FAM83E: variants seen among roughly 807,000 people sequenced by gnomAD.
FAM83E encodes the protein protein FAM83E.
Under a neutral mutation model 34.3 loss-of-function variants are expected in FAM83E, and 29 were observed. That is an observed-to-expected ratio of 0.85 (90% CI 0.63 to 1.15). The LOEUF (loss-of-function observed/expected upper bound fraction) is 1.15, where lower values mean the gene tolerates loss of function less well. Ranked by LOEUF, FAM83E falls within the 50% of genes most tolerant of loss-of-function variation. The pLI is 0.00. For missense variants in FAM83E, 697 were observed against 685.0 expected, an observed-to-expected ratio of 1.02 and a Z score of -0.20; for synonymous variants, 312 against 311.6, an observed-to-expected ratio of 1.00 and a Z score of -0.01.
At chr19:48,605,431 CG>C (rs1459123970) in intron 5 of FAM83E, among the ~76,000 whole-genome samples, 1 of 152,054 alleles carries the variant, frequency 6.6e-6, no homozygotes, top group Non-Finnish European at 1.5e-5. Context: ...CAAAATTAGC[CG>C]GGCATGGTGG....
Position 48,604,622 on chromosome 19 carries a change from C to G in FAM83E, c.759-711G>C, listed in dbSNP as rs550279389. Among the ~76,000 whole-genome samples, 7 of 150,138 alleles carry G rather than the reference C, an allele frequency of 4.7e-5. No individual in the cohort carries two copies. The South Asian group carries it at 1.5e-3, about 32-fold the overall frequency. ...GCTGGGATTACAGGTGTGAGCCACC[C>G]GTGCCCGGCTGAGCCTGGGAAATTG... is the stretch of plus-strand genomic sequence containing the variant. On this transcript the variant is annotated intron_variant, in intron 5 of 6. Transcript: ENST00000263266.
At chr19:48,610,292 G>A (rs958760973) in intron 4 of FAM83E, among the ~76,000 whole-genome samples, 37 of 151,422 alleles carry the variant, frequency 2.4e-4, no homozygotes, top group Admixed American at 2.0e-3. Flanking sequence ...CCAGCTACTG[G>A]GGAGTCTAAG....
In FAM83E at chr19:48,612,939, A is replaced by G. The variant is rs1231401141; in HGVS notation, c.434T>C (p.Leu145Pro). 45 of 1,579,482 alleles carry G rather than the reference A, an allele frequency of 2.8e-5. 1 individual carries two copies. The Admixed American group carries it at 5.6e-4, about 20-fold the overall frequency. The change falls in exon 3 of 7, where the codon CTG (leucine) becomes CCG (proline). Residue 145 changes from leucine to proline, a missense_variant. By Grantham distance (98) the Leu-to-Pro change is moderately conservative. Transcript: ENST00000263266. ...GGCAGCCTGGATCTCCAGCCGCACC[A>G]GCTCCTTGAGGGGCGGCTGACCCTC... ...PGEGQPPLKELVRLEIQAAHK... is the reference protein window; with the variant it reads ...PGEGQPPLKEPVRLEIQAAHK...
chr19:48,601,165 T>C lies in FAM83E; in HGVS notation c.1381A>G (p.Arg461Gly). Residue 461 changes from arginine (R) to glycine (G), a missense_variant, in exon 7 of 7, where the codon AGA (arginine) becomes GGA (glycine). Coordinates refer to ENST00000263266, the MANE Select transcript of FAM83E (RefSeq NM_017708.4). Reference protein sequence around the residue: ...GDATFKLQEPRGVRPSDWAPR... With the variant: ...GDATFKLQEPGGVRPSDWAPR... ...GCCCAGTCTGACGGCCTGACGCCTC[T>C]GGGCTCTTGAAGTTTGAATGTAGCA... The C allele has an allele frequency of 1.2e-6, 2 of 1,613,328 alleles. No homozygotes were observed. The highest frequency in any genetic ancestry group is 1.7e-6 in the Non-Finnish European group (2 of 1,179,816).
chr19:48,606,195 C>T (rs765279533), intron 5 of FAM83E, among the ~76,000 whole-genome samples: 12 of 152,126 alleles, frequency 7.9e-5, no homozygotes, highest in Non-Finnish European at 1.6e-4. Flanking sequence ...CCTGCAGTCC[C>T]AGCCACTCGG....
At chr19:48,611,247 C>A (rs1289873713) in intron 3 of FAM83E, among the ~76,000 whole-genome samples, 3 of 151,926 alleles carry the variant, frequency 2.0e-5, no homozygotes, top group East Asian at 3.9e-4. Context: ...CAGCTCACTG[C>A]AAACTCCACC....
chr19:48,605,296 T>C (rs1973907906), intron 5 of FAM83E, among the ~76,000 whole-genome samples: 1 of 151,572 alleles, frequency 6.6e-6, no homozygotes, highest in Non-Finnish European at 1.5e-5. Context: ...AGGAAGGCCG[T>C]GTGCAGTGGC....
chr19:48,600,089 C>T lies in FAM83E; in HGVS notation c.*1020G>A, dbSNP rs982172036. Among the ~76,000 whole-genome samples, 1 of 152,216 alleles carries T rather than the reference C, an allele frequency of 6.6e-6. No homozygotes were observed. The highest frequency in any genetic ancestry group is 1.5e-5 in the Non-Finnish European group (1 of 68,040). On this transcript the variant is annotated 3_prime_UTR_variant, in exon 7 of 7. Coordinates refer to ENST00000263266, the MANE Select transcript of FAM83E (RefSeq NM_017708.4). The stretch of plus-strand genomic sequence containing the variant: ...CTGTGGCTGTACCACATTCCACTCC[C>T]TCAGTATTCAGCTCCTTGCCTCAGT...
chr19:48,602,818 T>C (rs1973850664), intron 6 of FAM83E, among the ~76,000 whole-genome samples: 1 of 79,786 alleles, frequency 1.3e-5, no homozygotes, highest in African/African-American at 4.3e-5. Context: ...AATGTATTTA[T>C]TTATTGTTTA....
Position 48,599,980 on chromosome 19 carries a change from T to C in FAM83E, c.*1129A>G, listed in dbSNP as rs1483160293. Among the ~76,000 whole-genome samples, 1 of 152,128 alleles carries C rather than the reference T, an allele frequency of 6.6e-6. No individual in the cohort carries two copies. The highest frequency in any genetic ancestry group is 1.5e-5 in the Non-Finnish European group (1 of 68,016). On this transcript the variant is annotated 3_prime_UTR_variant, in exon 7 of 7. Transcript: ENST00000263266. The surrounding 1 kb of genome is among the most constrained non-coding windows in gnomAD (Gnocchi z 4.1). ...CGCACGTTTTTGGCATAAAGTGGTT[T>C]TATTCCGAGCAGAGGTAAACGGGAG... is the stretch of plus-strand genomic sequence containing the variant.
At chr19:48,612,787 C>T in intron 3 of FAM83E, 121 bp downstream of exon 3, 1 of 1,193,916 alleles carries the variant, frequency 8.4e-7, no homozygotes, top group Non-Finnish European at 1.1e-6. Flanking sequence ...TCCTGGGTCC[C>T]AGGGGTATAG....
rs750954679 is a variant in FAM83E, at chr19:48,603,649, C to A, written c.1021G>T (p.Val341Phe). 2.3e-6 allele frequency: 3 copies of A among 1,331,752 alleles called. No homozygotes were observed. The highest frequency in any genetic ancestry group is 2.9e-5 in the East Asian group (1 of 34,060). 82.5% of individuals were successfully genotyped at this position (1,331,752 alleles called of 1,614,324 possible). A position where few individuals can be genotyped will look rare whatever the true frequency, so the allele number is the denominator to read the frequency against. The change falls in exon 6 of 7, where the codon GTC (valine) becomes TTC (phenylalanine). Residue 341 changes from valine to phenylalanine, a missense_variant. Transcript: ENST00000263266. The part of the protein sequence containing the change: ...PLAHRLAACR[V>F]SPATPGPALS... ...GCCGGCCCCGGGGTAGCAGGGGAGA[C>A]GCGGCAGGCGGCCAGGCGGTGGGCC...
chr19:48,614,892 G>T, intron 1 of FAM83E, 45 bp downstream of exon 1: 1 of 703,468 alleles, frequency 1.4e-6, no homozygotes, highest in Non-Finnish European at 1.7e-6. Context: ...GCCCCCACAG[G>T]CCCCTGGAGG....
In FAM83E at chr19:48,613,423, G is replaced by T; in HGVS notation, c.-51C>A. ...ACTGTGAGAGGCTGGGTCCCCGGGGGTCTGGCTGTCTCTGGGGACTGTGAT... is the reference window on the plus strand; with the variant it reads ...ACTGTGAGAGGCTGGGTCCCCGGGGTTCTGGCTGTCTCTGGGGACTGTGAT... On this transcript the variant is annotated 5_prime_UTR_variant, in exon 3 of 7. Transcript: ENST00000263266. 4 of 1,465,464 alleles carry T rather than the reference G, an allele frequency of 2.7e-6. No homozygotes were observed. The South Asian group carries it at 4.1e-5, about 15-fold the overall frequency. 90.8% of individuals were successfully genotyped at this position (1,465,464 alleles called of 1,614,324 possible).
At chr19:48,605,044 CTT>C (rs991074819) in intron 5 of FAM83E, among the ~76,000 whole-genome samples, 1 of 128,228 alleles carries the variant, frequency 7.8e-6, no homozygotes, top group Admixed American at 7.5e-5. Context: ...AAAAAAAAAA[CTT>C]ATCTGGAATC....
At position 48,610,820 on chromosome 19, in the gene FAM83E, T is replaced by C; in HGVS notation, c.493A>G (p.Thr165Ala). 1 of 1,595,282 alleles carries C rather than the reference T, an allele frequency of 6.3e-7. No individual in the cohort carries two copies. Among genetic ancestry groups the C allele is most frequent in the Non-Finnish European group, 8.5e-7 (1 of 1,171,098 alleles). The change falls in exon 4 of 7, where the codon ACT (threonine) becomes GCT (alanine). Residue 165 changes from threonine (T) to alanine (A), a missense_variant. Thr to Ala is a moderately conservative substitution (Grantham distance 58). Coordinates refer to ENST00000263266, the MANE Select transcript of FAM83E (RefSeq NM_017708.4). ...AAGTCCAAAAGCAGGTCTGGGTCAG[T>C]GAAGACGTCCATGACCACGGCCACC... ...KLVAVVMDVF[T>A]DPDLLLDLVD...
rs762776441 is a variant in FAM83E, at chr19:48,610,826, C to T, written c.487G>A (p.Val163Ile). 33 of 1,595,010 alleles carry T rather than the reference C, an allele frequency of 2.1e-5. No homozygotes were observed. The Middle Eastern group carries it at 6.6e-4, about 32-fold the overall frequency. The change falls in exon 4 of 7, where the codon GTC (valine) becomes ATC (isoleucine). Residue 163 changes from valine to isoleucine, a missense_variant. Coordinates refer to ENST00000263266, the MANE Select transcript of FAM83E (RefSeq NM_017708.4). The part of the protein sequence containing the change: ...AHKLVAVVMD[V>I]FTDPDLLLDL... ...AAAAGCAGGTCTGGGTCAGTGAAGA[C>T]GTCCATGACCACGGCCACCAGCTGG...
In FAM83E at chr19:48,614,472, C is replaced by T; in HGVS notation, c.-1100G>A. 1.0e-6 allele frequency: 1 copy of T among 985,452 alleles called. No individual in the cohort carries two copies. The highest frequency in any genetic ancestry group is 4.7e-5 in the South Asian group (1 of 21,288). 61.0% of individuals were successfully genotyped at this position (985,452 alleles called of 1,614,324 possible). A position where few individuals can be genotyped will look rare whatever the true frequency, so the allele number is the denominator to read the frequency against. On this transcript the variant is annotated 5_prime_UTR_variant, in exon 3 of 7. Transcript: ENST00000263266. The stretch of plus-strand genomic sequence containing the variant: ...CTTCTTCCCGGACAGGGGCCAGTCT[C>T]TATCTCGCCCTGTCTCCCTCCCAAG...
At chr19:48,612,862 C>T in intron 3 of FAM83E, 46 bp downstream of exon 3, 1 of 1,480,760 alleles carries the variant, frequency 6.8e-7, no homozygotes, top group African/African-American at 1.4e-5. Flanking sequence ...TGCCTGGGTC[C>T]CCGTCCCAGT....
Sources: allele counts gnomAD v4.1 joint callset (sites outside exome capture counted in the v4.1 genomes callset), GRCh38; gene constraint gnomAD v4.1.1; non-coding constraint Gnocchi (gnomAD v3.1); transcripts MANE v1.5; gene names NCBI Gene and HGNC (gene_info 2026-07-23, HGNC 2026-07-21).